The following POLN variants were observed in gnomAD, a reference collection of about 807,000 sequenced individuals.
The protein encoded by POLN is DNA polymerase N.
Under a neutral mutation model 113.5 loss-of-function variants are expected in POLN, and 108 were observed. The ratio of observed to expected loss-of-function variants is 0.95; its 90% CI spans 0.81 to 1.12. The LOEUF (loss-of-function observed/expected upper bound fraction) is 1.12. Ranked by LOEUF, POLN falls within the 50% of genes most tolerant of loss-of-function variation. The pLI is 0.00. For synonymous variants in POLN, 386 were observed against 391.5 expected (o/e 0.99, Z 0.17); for missense variants, 1,097 against 1,077.1 (o/e 1.02, Z -0.26).
chr4:2,240,667 G>C, intron 2 of POLN: 5 of 1,613,990 alleles, frequency 3.1e-6, no homozygotes, highest in Non-Finnish European at 4.2e-6. Context: ...TTATCATCCA[G>C]TCTAGGTGTC....
At chr4:2,172,941 C>G (rs1223804198) in intron 11 of POLN, among the ~76,000 whole-genome samples, 2 of 152,218 alleles carry the variant, frequency 1.3e-5, no homozygotes, top group African/African-American at 4.8e-5. Flanking sequence ...AAGGGCAGCA[C>G]AGTCCACAGC....
Position 2,131,229 on chromosome 4 carries a change from T to C in POLN, c.1789+4A>G. 1 of 1,575,168 alleles carries C rather than the reference T, an allele frequency of 6.3e-7. No homozygotes were observed. Among genetic ancestry groups the C allele is most frequent in the Non-Finnish European group, 8.7e-7 (1 of 1,146,968 alleles). On this transcript the variant is annotated splice_donor_region_variant and intron_variant, in intron 17 of 25. Coordinates refer to ENST00000511885, the MANE Select transcript of POLN (RefSeq NM_181808.4). The stretch of plus-strand genomic sequence containing the variant: ...CTTTAGCAAGGTAGTAAGAAATGAG[T>C]TACCTTTAAAATTCTTAGGTGTAGT...
At chr4:2,215,525 G>C (rs1367160199) in intron 3 of POLN, among the ~76,000 whole-genome samples, 1 of 152,216 alleles carries the variant, frequency 6.6e-6, no homozygotes. Flanking sequence ...GGTCAAGACA[G>C]CTGGGCTTTT....
rs877878 is a variant in POLN at position 2,076,215 on chromosome 4, T to C, written c.2388-696A>G. 1,372 of 153,734 alleles carry C rather than the reference T, an allele frequency of 8.9e-3. 13 individuals carry two copies. The highest frequency in any genetic ancestry group is 0.014 in the Non-Finnish European group (970 of 69,050). The allele number at this position is 153,734 out of a possible 1,614,324, so 9.5% of individuals were successfully genotyped here. A position where few individuals can be genotyped will look rare whatever the true frequency, so the allele number is the denominator to read the frequency against. ...CTGGGGTGGGGCTCACAGATTCAAG[T>C]GCAAGCACAAGGCGGACGGGTCATG... is the stretch of plus-strand genomic sequence containing the variant. On this transcript the variant is annotated intron_variant, in intron 23 of 25. Coordinates refer to ENST00000511885, the MANE Select transcript of POLN (RefSeq NM_181808.4).
intron 4 of POLN, among the ~76,000 whole-genome samples, chr4:2,209,288 T>C (rs1733931609): frequency 6.6e-6 from 1 of 151,982 alleles, no homozygotes; most frequent in Non-Finnish European, 1.5e-5. Context: ...GAGACCATCC[T>C]GACCAACATG....
At chr4:2,153,435 G>A (rs1380435233) in intron 16 of POLN, among the ~76,000 whole-genome samples, 1 of 152,134 alleles carries the variant, frequency 6.6e-6, no homozygotes, top group Admixed American at 6.5e-5. Flanking sequence ...TTATGTAAAT[G>A]TGTGTGTGCA....
At chr4:2,240,219 A>G (rs750515994) in intron 2 of POLN, 3 of 1,613,736 alleles carry the variant, frequency 1.9e-6, no homozygotes, top group Non-Finnish European at 2.5e-6. Flanking sequence ...TGGTGTCTGT[A>G]TATCTAAAAG....
rs2108773728 is a variant in POLN at position 2,228,958 on chromosome 4, C to A, written c.133+141G>T. 4.4e-6 allele frequency: 3 copies of A among 677,032 alleles called. No individual in the cohort carries two copies. The East Asian group carries it at 8.9e-5, about 20-fold the overall frequency. 41.9% of individuals were successfully genotyped at this position (677,032 alleles called of 1,614,324 possible). ...GAACACGAAAGTTAGCAAGCAGAAGCTCAGTCTGCACTGAATGAGTGTAAA... is the reference window on the plus strand; with the variant it reads ...GAACACGAAAGTTAGCAAGCAGAAGATCAGTCTGCACTGAATGAGTGTAAA... On this transcript the variant is annotated intron_variant, in intron 3 of 25. Transcript: ENST00000511885.
At chr4:2,145,857 A>G (rs766609898) in intron 16 of POLN, among the ~76,000 whole-genome samples, 22 of 152,118 alleles carry the variant, frequency 1.4e-4, no homozygotes, top group Non-Finnish European at 1.6e-4. Context: ...TTCTTGCAGC[A>G]TTGTTTTTAA....
In POLN at chr4:2,159,179, G is replaced by C. The variant is rs774420090; in HGVS notation, c.1587C>G (p.Pro529=). The change falls in exon 14 of 26, where the codon CCC becomes CCG. Residue 529 remains proline (P), a synonymous_variant. Transcript: ENST00000511885. ...LNALRDLHPL[P]KIILEYRQVH... ...CCTGCCTGTATTCCAAAATTATCTT[G>C]GGTAATGGATGAAGGTCTCGCAGAG... The C allele has an allele frequency of 2.2e-5, 36 of 1,608,612 alleles. No homozygotes were observed. The highest frequency in any genetic ancestry group is 3.0e-5 in the Non-Finnish European group (35 of 1,175,912).
intron 19 of POLN, 52 bp downstream of exon 19, chr4:2,128,061 T>C (rs1359656009): frequency 4.3e-6 from 5 of 1,175,456 alleles, no homozygotes; most frequent in Non-Finnish European, 6.3e-6. Flanking sequence ...GCTTTTAAAC[T>C]CATGTTGGCC....
At chr4:2,082,206 T>C (rs1050652148) in intron 21 of POLN, among the ~76,000 whole-genome samples, 1 of 152,166 alleles carries the variant, frequency 6.6e-6, no homozygotes, top group South Asian at 2.1e-4. Context: ...TCCACCCGCC[T>C]TGGCCTCCAA....
chr4:2,201,063 C>T lies in POLN; in HGVS notation c.715-2346G>A, dbSNP rs534780984. Among the ~76,000 whole-genome samples, 112 of 151,868 alleles carry T rather than the reference C, an allele frequency of 7.4e-4. 1 individual carries two copies. Among genetic ancestry groups the T allele is most frequent in the Non-Finnish European group, 1.3e-3 (87 of 67,952 alleles). On this transcript the variant is annotated intron_variant, in intron 5 of 25. Coordinates refer to ENST00000511885, the MANE Select transcript of POLN (RefSeq NM_181808.4). ...CAGGCAGATCATGAGGTCGGGAGAT[C>T]GAGACCATCCTGGCTAACATGGTGA...
At chr4:2,118,259 A>G (rs2108716837) in intron 19 of POLN, among the ~76,000 whole-genome samples, 1 of 152,296 alleles carries the variant, frequency 6.6e-6, no homozygotes, top group South Asian at 2.1e-4. Flanking sequence ...GGCAGTAGGT[A>G]TTGAGGCCAC....
At chr4:2,089,038 T>C in intron 20 of POLN, 2 of 892,498 alleles carry the variant, frequency 2.2e-6, no homozygotes, top group Non-Finnish European at 3.6e-6. Flanking sequence ...ATTTCTTCCC[T>C]AGCTTTGAAC....
intron 16 of POLN, among the ~76,000 whole-genome samples, chr4:2,151,695 C>T (rs1732299428): frequency 6.6e-6 from 1 of 152,218 alleles, no homozygotes; most frequent in Non-Finnish European, 1.5e-5. Context: ...AGTAACAACG[C>T]TGTGAAAGGA....
At chr4:2,110,407 AAT>A (rs1731162377) in intron 19 of POLN, among the ~76,000 whole-genome samples, 1 of 152,082 alleles carries the variant, frequency 6.6e-6, no homozygotes, top group South Asian at 2.1e-4. Context: ...AACTGAAGGA[AAT>A]AGAGACACAA....
intron 3 of POLN, among the ~76,000 whole-genome samples, chr4:2,226,967 T>C (rs1030747821): frequency 2.6e-5 from 4 of 152,198 alleles, no homozygotes; most frequent in Non-Finnish European, 2.9e-5. Context: ...TTTGGATTCA[T>C]ATGATGAAGG....
At chr4:2,080,302 G>A in intron 23 of POLN, 1 of 997,342 alleles carries the variant, frequency 1.0e-6, no homozygotes, top group Non-Finnish European at 1.2e-6. Flanking sequence ...ATGTGCCCTG[G>A]GGGAATAACT....
Sources: allele counts gnomAD v4.1 joint callset (sites outside exome capture counted in the v4.1 genomes callset), GRCh38; gene constraint gnomAD v4.1.1; transcripts MANE v1.5; gene names NCBI Gene and HGNC (gene_info 2026-07-23, HGNC 2026-07-21).